Variants in SLC22A6 observed in about 807,000 individuals in gnomAD.
SLC22A6 encodes the protein solute carrier family 22 member 6, also known as PAH transporter.
A neutral mutation model predicts 56.7 loss-of-function variants in SLC22A6; 45 were observed. The observed-to-expected ratio is 0.79, with a 90% CI of 0.63 to 1.02. The LOEUF (loss-of-function observed/expected upper bound fraction) is 1.02. Ranked by LOEUF, SLC22A6 falls within the 50% of genes least tolerant of loss-of-function variation. SLC22A6 has a pLI of 0.00. For missense variants in SLC22A6, 606 were observed against 713.8 expected, an observed-to-expected ratio of 0.85 and a Z score of 1.72; for synonymous variants, 291 against 295.9, an observed-to-expected ratio of 0.98 and a Z score of 0.17.
chr11:62,979,795 G>A lies in SLC22A6; in HGVS notation c.1191C>T (p.Ala397=). 6.2e-7 allele frequency: 1 copy of A among 1,614,174 alleles called. No homozygotes were observed. The highest frequency in any genetic ancestry group is 8.5e-7 in the Non-Finnish European group (1 of 1,180,024). ...LVINSLGRRP[A]QMAALLLAGI... is the part of the protein sequence containing the mutation. ...CTGCCAGCAGCAGTGCAGCCATCTG[G>A]GCAGGCCGGCGACCCAGGGAGTTGA... Residue 397 remains alanine (A), a synonymous_variant, in exon 7 of 10, where the codon GCC becomes GCT. Coordinates refer to ENST00000360421, the MANE Select transcript of SLC22A6 (RefSeq NM_153276.3).
chr11:62,977,395 G>A lies in SLC22A6; in HGVS notation c.1362-8C>T. 1 of 1,604,120 alleles carries A rather than the reference G, an allele frequency of 6.2e-7. No individual in the cohort carries two copies. The highest frequency in any genetic ancestry group is 1.1e-5 in the South Asian group (1 of 90,706). On this transcript the variant is annotated splice_polypyrimidine_tract_variant and splice_region_variant and intron_variant, in intron 8 of 9. Coordinates refer to ENST00000360421, the MANE Select transcript of SLC22A6 (RefSeq NM_153276.3). ...ATTCCCATGCCTGTCTGCCTGCAGGGCCCGCAGCAGATGGGTGTTGGTTAG... is the reference window on the plus strand; with the variant it reads ...ATTCCCATGCCTGTCTGCCTGCAGGACCCGCAGCAGATGGGTGTTGGTTAG...
At chr11:62,978,511 C>A (rs1208178612) in intron 8 of SLC22A6, among the ~76,000 whole-genome samples, 1 of 150,562 alleles carries the variant, frequency 6.6e-6, no homozygotes, top group African/African-American at 2.4e-5. Context: ...CTATGCCCAG[C>A]TAATTTTTGT....
rs1186048147 is a variant in SLC22A6 at position 62,984,415 on chromosome 11, A to C, written c.276T>G (p.Asn92Lys). ...TSPQWGLPFL[N>K]GTEANGTGAT... is the part of the protein sequence containing the mutation. ...CCCCTGTGCCATTGGCTTCTGTGCCATTGAGAAAGGGCAGTCCCCACTGCG... is the reference window on the plus strand; with the variant it reads ...CCCCTGTGCCATTGGCTTCTGTGCCCTTGAGAAAGGGCAGTCCCCACTGCG... Residue 92 changes from asparagine (N) to lysine (K), a missense_variant, in exon 1 of 10, where the codon AAT becomes AAG. By Grantham distance (94) the Asn-to-Lys change is moderately conservative (BLOSUM62 0). Transcript: ENST00000360421. 6.2e-7 allele frequency: 1 copy of C among 1,613,686 alleles called. No homozygotes were observed. The highest frequency in any genetic ancestry group is 1.3e-5 in the African/African-American group (1 of 74,844).
chr11:62,977,059 A>T, intron 9 of SLC22A6, 125 bp downstream of exon 9: 2 of 1,574,792 alleles, frequency 1.3e-6, no homozygotes, highest in Non-Finnish European at 1.7e-6. Flanking sequence ...AGCTCAGGCA[A>T]TTGGGGACAA....
chr11:62,979,287 G>A (rs2135091687), intron 8 of SLC22A6, among the ~76,000 whole-genome samples: 1 of 152,314 alleles, frequency 6.6e-6, no homozygotes, highest in African/African-American at 2.4e-5. Flanking sequence ...GGTCCCGTAA[G>A]GGCTTAGAGG....
chr11:62,978,949 C>T (rs1488494994), intron 8 of SLC22A6, among the ~76,000 whole-genome samples: 1 of 152,162 alleles, frequency 6.6e-6, no homozygotes, highest in Admixed American at 6.5e-5. Flanking sequence ...GCTGGGATTA[C>T]AGGCATGAGC....
In SLC22A6 at chr11:62,984,459, A is replaced by G; in HGVS notation, c.232T>C (p.Cys78Arg). 1 of 1,613,944 alleles carries G rather than the reference A, an allele frequency of 6.2e-7. No homozygotes were observed. The highest frequency in any genetic ancestry group is 8.5e-7 in the Non-Finnish European group (1 of 1,179,996). Residue 78 changes from cysteine to arginine, a missense_variant, in exon 1 of 10, where the codon TGC (cysteine) becomes CGC (arginine). Cys to Arg is a radical substitution (Grantham distance 180). Transcript: ENST00000360421. ...PRDRQGQPESCLRFTSPQWGL... is the reference protein window; with the variant it reads ...PRDRQGQPESRLRFTSPQWGL... ...CACTGCGGGGAGGTGAAGCGGAGGC[A>G]GGACTCAGGCTGCCCCTGCCTGTCC...
At chr11:62,976,988 T>C (rs1313926376) in intron 9 of SLC22A6, 107 bp from the exon 10 acceptor site, 1 of 1,499,232 alleles carries the variant, frequency 6.7e-7, no homozygotes. Flanking sequence ...GGACACCTGC[T>C]CTCTGCCCCA....
chr11:62,980,583 C>G (rs965952122), intron 6 of SLC22A6, among the ~76,000 whole-genome samples: 2 of 152,192 alleles, frequency 1.3e-5, no homozygotes, highest in Admixed American at 6.5e-5. Flanking sequence ...CCAAAGTGTT[C>G]TTTGGAGATG....
chr11:62,982,700 A>C (rs2086269293), intron 3 of SLC22A6, among the ~76,000 whole-genome samples: 1 of 152,158 alleles, frequency 6.6e-6, no homozygotes, highest in Non-Finnish European at 1.5e-5. Flanking sequence ...TTTGGGAAAC[A>C]TGGGGTAAGC....
rs1389751480 is a variant in SLC22A6 at position 62,984,330 on chromosome 11, C to T, written c.361G>A (p.Val121Met). The stretch of plus-strand genomic sequence containing the variant: ...GAGCCCCAGGTGCTCACCTCAGTCA[C>T]GATGGTAGATGGGAAGGTGCTGTTG... ...YDNSTFPSTI[V>M]TEWDLVCSHR... Residue 121 changes from valine (V) to methionine (M), a missense_variant, in exon 1 of 10, where the codon GTG (valine) becomes ATG (methionine). By Grantham distance (21) the Val-to-Met change is conservative. Coordinates refer to ENST00000360421, the MANE Select transcript of SLC22A6 (RefSeq NM_153276.3). 6 of 1,613,464 alleles carry T rather than the reference C, an allele frequency of 3.7e-6. No homozygotes were observed. Among genetic ancestry groups the T allele is most frequent in the Middle Eastern group, 1.7e-4 (1 of 6,056 alleles).
chr11:62,977,476 T>G, intron 8 of SLC22A6, 89 bp from the exon 9 acceptor site: 1 of 1,457,128 alleles, frequency 6.9e-7, no homozygotes. Context: ...CAGCTCAGGC[T>G]CAGCCCCCAG....
intron 3 of SLC22A6, 85 bp from the exon 4 acceptor site, chr11:62,982,095 T>A: frequency 7.3e-7 from 1 of 1,369,086 alleles, no homozygotes; most frequent in South Asian, 1.4e-5. Context: ...AACCTTGGCC[T>A]GTCCCAAGGC....
chr11:62,982,712 G>A (rs968235628), intron 3 of SLC22A6, among the ~76,000 whole-genome samples: 3 of 152,204 alleles, frequency 2.0e-5, no homozygotes, highest in African/African-American at 7.2e-5. Context: ...GGGGTAAGCG[G>A]GGGTTGATCC....
chr11:62,984,108 C>A, intron 1 of SLC22A6, 61 bp from the exon 2 acceptor site: 2 of 1,298,642 alleles, frequency 1.5e-6, no homozygotes, highest in Admixed American at 2.0e-5. Flanking sequence ...ATCCCCTTCC[C>A]CCACTTCAGC....
intron 8 of SLC22A6, 28 bp from the exon 9 acceptor site, chr11:62,977,415 G>T (rs775589643): frequency 3.8e-6 from 6 of 1,591,576 alleles, no homozygotes; most frequent in Non-Finnish European, 4.3e-6. Context: ...GATGGGTGTT[G>T]GTTAGAGTTC....
chr11:62,981,999 T>A lies in SLC22A6; in HGVS notation c.640A>T (p.Met214Leu), dbSNP rs2086261483. 6.2e-7 allele frequency: 1 copy of A among 1,613,730 alleles called. No homozygotes were observed. The highest frequency in any genetic ancestry group is 8.5e-7 in the Non-Finnish European group (1 of 1,179,880). Reference protein sequence around the residue: ...LNCMTLNVEWMPIHTRACVGT... With the variant: ...LNCMTLNVEWLPIHTRACVGT... ...ACGCAGGCCCGTGTGTGAATGGGCA[T>A]CCACTCCACATCTGGAAAGAGGGTT... is the stretch of plus-strand genomic sequence containing the variant. Residue 214 changes from methionine to leucine, a missense_variant, in exon 4 of 10, where the codon ATG becomes TTG. Physicochemically the swap from Met to Leu is conservative, Grantham distance 15 (BLOSUM62 2). Transcript: ENST00000360421.
chr11:62,981,456 G>T, intron 4 of SLC22A6, 73 bp from the exon 5 acceptor site: 1 of 841,882 alleles, frequency 1.2e-6, no homozygotes, highest in South Asian at 1.7e-5. Flanking sequence ...CTGGGGCTGG[G>T]CTTTCTAGGG....
At position 62,979,516 on chromosome 11, in the gene SLC22A6, T is replaced by C; in HGVS notation, c.1333A>G (p.Thr445Ala). 1 of 1,613,346 alleles carries C rather than the reference T, an allele frequency of 6.2e-7. No individual in the cohort carries two copies. Among genetic ancestry groups the C allele is most frequent in the African/African-American group, 1.3e-5 (1 of 75,016 alleles). The change falls in exon 8 of 10, where the codon ACT (threonine) becomes GCT (alanine). Residue 445 changes from threonine (T) to alanine (A), a missense_variant. Physicochemically the swap from Thr to Ala is moderately conservative, Grantham distance 58. Coordinates refer to ENST00000360421, the MANE Select transcript of SLC22A6 (RefSeq NM_153276.3). ...ATCATTGTGGGATACAGTTCCCCAG[T>C]ATACAGGAAGATGCAGTTGAAGGAG... ...AASFNCIFLYTGELYPTMIRQ... is the reference protein window; with the variant it reads ...AASFNCIFLYAGELYPTMIRQ...
Sources: allele counts gnomAD v4.1 joint callset (sites outside exome capture counted in the v4.1 genomes callset), GRCh38; gene constraint gnomAD v4.1.1; transcripts MANE v1.5; gene names NCBI Gene and HGNC (gene_info 2026-07-23, HGNC 2026-07-21).